Variants in IL1RAPL2 observed in about 807,000 individuals in gnomAD.
IL1RAPL2 encodes X-linked interleukin-1 receptor accessory protein-like 2.
In IL1RAPL2, 3 loss-of-function variants were observed where a neutral mutation model predicts 44.1. That is an observed-to-expected ratio of 0.07 (90% CI 0.03 to 0.18). The LOEUF is 0.18. Ranked by LOEUF, IL1RAPL2 falls within the 10% of genes least tolerant of loss-of-function variation. IL1RAPL2 has a pLI of 1.00. For missense variants in IL1RAPL2, 391 were observed against 496.4 expected, an observed-to-expected ratio of 0.79 and a Z score of 2.02; for synonymous variants, 181 against 178.8, an observed-to-expected ratio of 1.01 and a Z score of -0.10.
intron 2 of IL1RAPL2, among the ~76,000 whole-genome samples, chrX:104,704,222 T>G (rs2147553884): frequency 9.0e-6 from 1 of 111,711 alleles, no homozygotes; most frequent in South Asian, 3.7e-4. Context: ...GTGAAAAGTG[T>G]CCCTGGCAGA....
Position 105,016,811 on chromosome X carries a change from G to C in IL1RAPL2, c.83-178664G>C, listed in dbSNP as rs147313309. ...GTCTCTCTGCCAGGTTTTGGTATCA[G>C]GATGATGCTGGCCTCATAAAATGAG... On this transcript the variant is annotated intron_variant, in intron 2 of 10. Coordinates refer to ENST00000372582, the MANE Select transcript of IL1RAPL2 (RefSeq NM_017416.2). Among the ~76,000 whole-genome samples the C allele has an allele frequency of 2.9e-4, 32 of 111,264 alleles. No individual in the cohort carries two copies. The East Asian group carries it at 8.6e-3, about 30-fold the overall frequency.
chrX:104,686,374 G>C (rs1930987874), intron 2 of IL1RAPL2, among the ~76,000 whole-genome samples: 1 of 112,156 alleles, frequency 8.9e-6, no homozygotes, highest in Non-Finnish European at 1.9e-5. Context: ...TTCACGCTTG[G>C]TAAGTAGCGC....
intron 5 of IL1RAPL2, among the ~76,000 whole-genome samples, chrX:105,397,051 T>G (rs965685343): frequency 7.2e-5 from 8 of 110,396 alleles, no homozygotes; most frequent in Admixed American, 2.9e-4. Context: ...ACTGTACATG[T>G]GAGGGATCTA....
At chrX:105,247,603 A>ATATATATATG (rs996281661) in intron 4 of IL1RAPL2, among the ~76,000 whole-genome samples, 1 of 95,036 alleles carries the variant, frequency 1.1e-5, no homozygotes, top group African/African-American at 3.7e-5. Context: ...ATATATATAT[A>ATATATATATG]TGTGTGTGTG....
intron 2 of IL1RAPL2, among the ~76,000 whole-genome samples, chrX:105,018,115 A>T (rs1419983996): frequency 9.0e-6 from 1 of 111,627 alleles, no homozygotes; most frequent in African/African-American, 3.2e-5. Flanking sequence ...CAATTTAAAT[A>T]GACTGGAAGG....
At chrX:105,474,672 C>T (rs1213378296) in intron 5 of IL1RAPL2, among the ~76,000 whole-genome samples, 1 of 111,679 alleles carries the variant, frequency 9.0e-6, no homozygotes, top group Non-Finnish European at 1.9e-5. Context: ...AATCCAAAAT[C>T]GAATTTTCAT....
chrX:105,074,125 G>GAAGAAA (rs2147540640), intron 2 of IL1RAPL2, among the ~76,000 whole-genome samples: 1 of 111,614 alleles, frequency 9.0e-6, no homozygotes, highest in African/African-American at 3.3e-5. Flanking sequence ...CCATGCCTAT[G>GAAGAAA]TCCTGAATGG....
At chrX:104,987,209 G>A (rs185729867) in intron 2 of IL1RAPL2, among the ~76,000 whole-genome samples, 1 of 111,349 alleles carries the variant, frequency 9.0e-6, no homozygotes, top group Non-Finnish European at 1.9e-5. Flanking sequence ...ATCTTACTCA[G>A]CAGTCAGGGC....
intron 2 of IL1RAPL2, among the ~76,000 whole-genome samples, chrX:104,853,188 C>T (rs1922271593): frequency 1.8e-5 from 2 of 112,122 alleles, no homozygotes; most frequent in Admixed American, 9.5e-5. Context: ...ATTATATTCA[C>T]TCTTGAAAAG....
chrX:105,716,442 A>G (rs1202088489), intron 6 of IL1RAPL2, among the ~76,000 whole-genome samples: 1 of 111,527 alleles, frequency 9.0e-6, no homozygotes, highest in Non-Finnish European at 1.9e-5. Flanking sequence ...TTTTTGATAG[A>G]CCACCTCAAG....
chrX:105,190,174 A>T (rs1183512729), intron 2 of IL1RAPL2, among the ~76,000 whole-genome samples: 1 of 107,321 alleles, frequency 9.3e-6, no homozygotes, highest in African/African-American at 3.4e-5. Context: ...GCTCAATGAA[A>T]CTCATAGCTG....
At chrX:104,990,809 C>T (rs2030647965) in intron 2 of IL1RAPL2, among the ~76,000 whole-genome samples, 1 of 111,562 alleles carries the variant, frequency 9.0e-6, no homozygotes, top group African/African-American at 3.3e-5. Flanking sequence ...AGGTCAACAG[C>T]TGTTTTATTC....
At chrX:105,658,259 A>G (rs181664424) in intron 6 of IL1RAPL2, among the ~76,000 whole-genome samples, 2 of 111,667 alleles carry the variant, frequency 1.8e-5, no homozygotes, top group East Asian at 5.7e-4. Flanking sequence ...AGGGAAGAGA[A>G]CAAGAGTCTC....
chrX:105,592,474 G>A (rs892838964), intron 6 of IL1RAPL2, among the ~76,000 whole-genome samples: 5 of 111,644 alleles, frequency 4.5e-5, no homozygotes, highest in African/African-American at 1.3e-4. Context: ...TCATCATGTT[G>A]TTAGCTGGTT....
At chrX:105,204,116 A>T (rs1329099017) in intron 3 of IL1RAPL2, among the ~76,000 whole-genome samples, 3 of 110,903 alleles carry the variant, frequency 2.7e-5, no homozygotes, top group Non-Finnish European at 5.7e-5. Flanking sequence ...TCTGTATCAA[A>T]GTGAAGCAGG....
intron 5 of IL1RAPL2, among the ~76,000 whole-genome samples, chrX:105,348,481 A>G (rs1396027568): frequency 8.9e-6 from 1 of 112,244 alleles, no homozygotes; most frequent in Non-Finnish European, 1.9e-5. Flanking sequence ...TGTCTGGCAT[A>G]TGGTAAATAC....
At chrX:105,286,087 A>G (rs2034568531) in intron 5 of IL1RAPL2, among the ~76,000 whole-genome samples, 1 of 111,727 alleles carries the variant, frequency 9.0e-6, no homozygotes, top group Admixed American at 9.6e-5. Context: ...AAACTAGTTT[A>G]TGAATATTAA....
chrX:105,760,462 A>G (rs1286493780), intron 10 of IL1RAPL2, among the ~76,000 whole-genome samples: 3 of 111,818 alleles, frequency 2.7e-5, no homozygotes, highest in African/African-American at 9.8e-5. Context: ...TCTCCACTTT[A>G]TGTTTCTTTC....
chrX:104,835,520 A>G (rs1247585098), intron 2 of IL1RAPL2, among the ~76,000 whole-genome samples: 1 of 111,845 alleles, frequency 8.9e-6, no homozygotes, highest in Non-Finnish European at 1.9e-5. Flanking sequence ...GTATTTTTGT[A>G]ATGACATTTC....
Sources: gnomAD v4.1 joint callset for allele counts (sites outside exome capture counted in the v4.1 genomes callset) on GRCh38, gnomAD v4.1.1 for gene constraint, MANE v1.5 for transcripts, NCBI Gene and HGNC (gene_info 2026-07-23, HGNC 2026-07-21) for gene names.